SERPINA6: variants seen among roughly 807,000 people sequenced by gnomAD.
SERPINA6 encodes the protein corticosteroid-binding globulin.
SERPINA6 carries 19 observed loss-of-function variants against 26.4 expected under a neutral mutation model. The observed-to-expected ratio is 0.72, with a 90% CI of 0.50 to 1.06. SERPINA6 has a LOEUF of 1.06. Among genes scored for constraint, SERPINA6 ranks in the 50% least tolerant of loss-of-function variants. The pLI is 0.00. For synonymous variants in SERPINA6, 196 were observed against 199.4 expected, an observed-to-expected ratio of 0.98 and a Z score of 0.14; for missense variants, 473 against 504.0, an observed-to-expected ratio of 0.94 and a Z score of 0.59.
At position 94,314,201 on chromosome 14, in the gene SERPINA6, A is replaced by C. The variant is rs905599261; in HGVS notation, c.448T>G (p.Tyr150Asp). The change falls in exon 2 of 5, where the codon TAC becomes GAC. Residue 150 changes from tyrosine (Y) to aspartate (D), a missense_variant. Coordinates refer to ENST00000341584, the MANE Select transcript of SERPINA6 (RefSeq NM_001756.4). ...ATAGCCAAGACCTCTGACTCATAGT[A>C]GTGCTTGATGTCTGCTGAGAATGAC... ...LESFSADIKHYYESEVLAMNF... is the reference protein window; with the variant it reads ...LESFSADIKHDYESEVLAMNF... 1.9e-6 allele frequency: 3 copies of C among 1,614,110 alleles called. No homozygotes were observed. The highest frequency in any genetic ancestry group is 2.5e-6 in the Non-Finnish European group (3 of 1,180,050).
intron 3 of SERPINA6, among the ~76,000 whole-genome samples, chr14:94,307,541 C>G (rs1018273793): frequency 6.6e-6 from 1 of 152,212 alleles, no homozygotes; most frequent in African/African-American, 2.4e-5. Context: ...TCCTTCCCGT[C>G]ATTTTCAGTG....
At chr14:94,311,710 C>T (rs1216663591) in intron 2 of SERPINA6, among the ~76,000 whole-genome samples, 2 of 151,980 alleles carry the variant, frequency 1.3e-5, no homozygotes, top group Non-Finnish European at 1.5e-5. Context: ...GAGGCCGAGG[C>T]GGGTGGATCA....
chr14:94,319,920 A>C (rs996559748), intron 1 of SERPINA6, among the ~76,000 whole-genome samples: 2 of 152,216 alleles, frequency 1.3e-5, no homozygotes, highest in South Asian at 4.1e-4. Flanking sequence ...TATGAACTGT[A>C]TGCTTGTAGT....
At chr14:94,305,523 C>T (rs796980748) in intron 4 of SERPINA6, among the ~76,000 whole-genome samples, 1 of 152,148 alleles carries the variant, frequency 6.6e-6, no homozygotes, top group African/African-American at 2.4e-5. Flanking sequence ...CCAGGTACCA[C>T]GGAGGCCACA....
At chr14:94,320,149 A>G (rs1295959810) in intron 1 of SERPINA6, among the ~76,000 whole-genome samples, 1 of 152,180 alleles carries the variant, frequency 6.6e-6, no homozygotes, top group Non-Finnish European at 1.5e-5. Context: ...CAGGAGAAGC[A>G]GGTCTTACTG....
chr14:94,314,313 C>G lies in SERPINA6; in HGVS notation c.336G>C (p.Leu112=). The G allele has an allele frequency of 2.5e-6, 4 of 1,614,162 alleles. No homozygotes were observed. The highest frequency in any genetic ancestry group is 2.5e-6 in the Non-Finnish European group (3 of 1,180,022). The change falls in exon 2 of 5, where the codon CTG becomes CTC. Residue 112 remains leucine (L), a synonymous_variant. Transcript: ENST00000341584. ...ETEIHQGFQH[L]HQLFAKSDTS... ...TGTCTGACTTTGCAAAGAGTTGGTG[C>G]AGGTGCTGGAAACCCTGGTGGATCT...
intron 2 of SERPINA6, among the ~76,000 whole-genome samples, chr14:94,311,817 A>G (rs896878514): frequency 1.3e-5 from 2 of 152,062 alleles, no homozygotes; most frequent in Non-Finnish European, 2.9e-5. Context: ...GTGTCATGGC[A>G]GGTGCCTGTA....
intron 2 of SERPINA6, among the ~76,000 whole-genome samples, chr14:94,310,371 A>G (rs1340965144): frequency 1.3e-5 from 2 of 152,052 alleles, no homozygotes; most frequent in African/African-American, 2.4e-5. Context: ...CTAGACCTCA[A>G]GTCTCAAACT....
chr14:94,313,834 A>T, intron 2 of SERPINA6: 1 of 735,826 alleles, frequency 1.4e-6, no homozygotes, highest in Non-Finnish European at 2.4e-6. Context: ...CACATTGTTC[A>T]ACCCTTCTGG....
At position 94,304,413 on chromosome 14, in the gene SERPINA6, G is replaced by A. The variant is rs1895403694; in HGVS notation, c.*5C>T. 1.2e-6 allele frequency: 2 copies of A among 1,613,956 alleles called. No individual in the cohort carries two copies. The highest frequency in any genetic ancestry group is 1.1e-5 in the South Asian group (1 of 91,064). On this transcript the variant is annotated 3_prime_UTR_variant, in exon 5 of 5. Coordinates refer to ENST00000341584, the MANE Select transcript of SERPINA6 (RefSeq NM_001756.4). ...ACAGTGCTGAGGCTCTGGGTGGGTG[G>A]TCTCTTACACTGGGTTCATAACCCT...
At chr14:94,315,209 G>A (rs890704335) in intron 1 of SERPINA6, among the ~76,000 whole-genome samples, 11 of 152,208 alleles carry the variant, frequency 7.2e-5, no homozygotes, top group African/African-American at 2.7e-4. Context: ...CTCTGGTAAA[G>A]GTAGATGCGT....
intron 1 of SERPINA6, among the ~76,000 whole-genome samples, chr14:94,317,076 T>C (rs913358052): frequency 1.3e-5 from 2 of 152,170 alleles, no homozygotes; most frequent in Non-Finnish European, 2.9e-5. Context: ...CCTCCTCTTA[T>C]ATATATTTCT....
At chr14:94,313,189 C>T (rs964005307) in intron 2 of SERPINA6, among the ~76,000 whole-genome samples, 6 of 152,160 alleles carry the variant, frequency 3.9e-5, no homozygotes, top group Non-Finnish European at 7.3e-5. Flanking sequence ...AGATAAGTTG[C>T]AAGAGGGCTC....
intron 1 of SERPINA6, among the ~76,000 whole-genome samples, chr14:94,318,583 A>G (rs1895642783): frequency 6.6e-6 from 1 of 152,340 alleles, no homozygotes; most frequent in South Asian, 2.1e-4. Context: ...AGCCTTTTCA[A>G]CAAGTGGTGC....
chr14:94,316,916 A>G (rs1174687877), intron 1 of SERPINA6, among the ~76,000 whole-genome samples: 1 of 152,038 alleles, frequency 6.6e-6, no homozygotes, highest in African/African-American at 2.4e-5. Flanking sequence ...CCCTTTTCCT[A>G]TTGTGGAGCT....
In SERPINA6 at chr14:94,304,583, C is replaced by T. The variant is rs200708379; in HGVS notation, c.1053G>A (p.Leu351=). The T allele has an allele frequency of 3.7e-6, 6 of 1,614,142 alleles. No individual in the cohort carries two copies. The highest frequency in any genetic ancestry group is 3.4e-6 in the Non-Finnish European group (4 of 1,179,992). ...KSSKVVHKAV[L]QLNEEGVDTA... is the part of the protein sequence containing the mutation. ...TGTCCACACCCTCCTCATTGAGTTG[C>T]AGCACAGCTTTATGGACCACCTGTT... Residue 351 remains leucine, a synonymous_variant, in exon 5 of 5, where the codon CTG becomes CTA. Coordinates refer to ENST00000341584, the MANE Select transcript of SERPINA6 (RefSeq NM_001756.4).
At position 94,320,969 on chromosome 14, in the gene SERPINA6, G is replaced by A. The variant is rs570816284; in HGVS notation, c.-20+2298C>T. Among the ~76,000 whole-genome samples, 12 of 152,170 alleles carry A rather than the reference G, an allele frequency of 7.9e-5. No homozygotes were observed. The East Asian group carries it at 1.4e-3, about 17-fold the overall frequency. ...GTCCTCGCGACAATTCTTTTGTCGC[G>A]AAACCCAGAAAAGATCCTGGGTTTC... On this transcript the variant is annotated intron_variant, in intron 1 of 4. Coordinates refer to ENST00000341584, the MANE Select transcript of SERPINA6 (RefSeq NM_001756.4).
chr14:94,306,190 TGA>T lies in SERPINA6; in HGVS notation c.911_912del (p.Val304AspfsTer7). Reference sequence around the variant, plus strand: ...CCGAGGTCATAGACTCCAGAGATGGTGACCTTTGGAATGTACAGGTCCACCTG... The same window carrying T: ...CCGAGGTCATAGACTCCAGAGATGGTCCTTTGGAATGTACAGGTCCACCTG... ...SSQVDLYIPK[V>X]TISGVYDLGD... On this transcript the variant is annotated frameshift_variant, in exon 4 of 5. Transcript: ENST00000341584. LOFTEE classifies it high-confidence loss of function. The T allele has an allele frequency of 6.2e-7, 1 of 1,614,184 alleles. No individual in the cohort carries two copies. Among genetic ancestry groups the T allele is most frequent in the Non-Finnish European group, 8.5e-7 (1 of 1,180,028 alleles).
intron 1 of SERPINA6, among the ~76,000 whole-genome samples, chr14:94,319,937 G>A (rs1273822316): frequency 6.6e-6 from 1 of 152,044 alleles, no homozygotes. Context: ...TAGTTAAAAC[G>A]TTAGGTATTA....
Sources: allele counts gnomAD v4.1 joint callset (sites outside exome capture counted in the v4.1 genomes callset), GRCh38; gene constraint gnomAD v4.1.1; transcripts MANE v1.5; gene names NCBI Gene and HGNC (gene_info 2026-07-23, HGNC 2026-07-21).